The following TAF1B variants were observed in gnomAD, a reference collection of about 807,000 sequenced individuals.
The protein encoded by TAF1B is TATA-box binding protein associated factor, RNA polymerase I subunit B.
A neutral mutation model predicts 83.9 loss-of-function variants in TAF1B; 61 were observed. The ratio of observed to expected loss-of-function variants is 0.73; its 90% CI spans 0.59 to 0.90. TAF1B has a LOEUF of 0.90. Among genes scored for constraint, TAF1B ranks in the 40% least tolerant of loss-of-function variants. The pLI is 0.00. For synonymous variants in TAF1B, 221 were observed against 224.6 expected (o/e 0.98, Z 0.14); for missense variants, 625 against 677.0 (o/e 0.92, Z 0.85).
At chr2:9,906,084 G>C (rs913594611) in intron 9 of TAF1B, among the ~76,000 whole-genome samples, 1 of 151,912 alleles carries the variant, frequency 6.6e-6, no homozygotes, top group East Asian at 1.9e-4. Context: ...TCTCAAGTGT[G>C]GAAAGTTCCT....
intron 6 of TAF1B, among the ~76,000 whole-genome samples, chr2:9,870,639 T>C (rs12611894): frequency 0.41 from 61,798 of 152,060 alleles, 13,367 homozygotes; most frequent in East Asian, 0.58. Flanking sequence ...TATTCAATTC[T>C]GTTTTAGCTC....
intron 12 of TAF1B, among the ~76,000 whole-genome samples, chr2:9,915,471 A>G (rs1000085603): frequency 4.6e-5 from 7 of 152,290 alleles, no homozygotes; most frequent in Admixed American, 3.9e-4. Flanking sequence ...ATTTTTTTAA[A>G]TGGGCAAAAT....
At chr2:9,917,952 G>T (rs1039778848) in intron 12 of TAF1B, among the ~76,000 whole-genome samples, 5 of 151,134 alleles carry the variant, frequency 3.3e-5, no homozygotes, top group Non-Finnish European at 5.9e-5. Flanking sequence ...GGCGCCTGTA[G>T]TCCCAGCTAC....
chr2:9,844,174 A>G (rs1443253855), intron 1 of TAF1B, among the ~76,000 whole-genome samples: 1 of 152,112 alleles, frequency 6.6e-6, no homozygotes, highest in East Asian at 1.9e-4. Context: ...TTTTTGAGAC[A>G]AGATCTCACT....
At chr2:9,924,561 G>A (rs759099903) in intron 14 of TAF1B, among the ~76,000 whole-genome samples, 31 of 152,186 alleles carry the variant, frequency 2.0e-4, no homozygotes, top group Admixed American at 1.1e-3. Flanking sequence ...GTCCTAAGAC[G>A]CTGTGTGCCT....
At chr2:9,888,242 A>C (rs1001968592) in intron 8 of TAF1B, among the ~76,000 whole-genome samples, 1 of 152,168 alleles carries the variant, frequency 6.6e-6, no homozygotes, top group African/African-American at 2.4e-5. Flanking sequence ...CCCTTACAAC[A>C]GAGTATTTCC....
chr2:9,867,228 G>A (rs1445787550), intron 5 of TAF1B, among the ~76,000 whole-genome samples: 3 of 152,214 alleles, frequency 2.0e-5, no homozygotes, highest in Admixed American at 1.3e-4. Context: ...GTACAGAGAG[G>A]TGGGATCAAG....
intron 2 of TAF1B, among the ~76,000 whole-genome samples, chr2:9,847,262 A>G (rs1223220719): frequency 6.6e-6 from 1 of 152,190 alleles, no homozygotes; most frequent in Non-Finnish European, 1.5e-5. Flanking sequence ...CCAAGAACCT[A>G]GCTCAGTGCC....
chr2:9,861,220 G>A (rs1454095260), intron 5 of TAF1B, among the ~76,000 whole-genome samples: 1 of 152,218 alleles, frequency 6.6e-6, no homozygotes, highest in Non-Finnish European at 1.5e-5. Context: ...GTGACAGACG[G>A]CACCTGGAAA....
intron 8 of TAF1B, among the ~76,000 whole-genome samples, chr2:9,900,269 C>T (rs1381398130): frequency 1.3e-5 from 2 of 152,214 alleles, no homozygotes; most frequent in African/African-American, 4.8e-5. Flanking sequence ...TGCAGTGGCT[C>T]ATGCCTGCAA....
chr2:9,848,169 G>A (rs1177945541), intron 2 of TAF1B, among the ~76,000 whole-genome samples: 2 of 152,078 alleles, frequency 1.3e-5, no homozygotes, highest in East Asian at 1.9e-4. Flanking sequence ...TATGTTTTCA[G>A]TGTGGCCAAC....
intron 7 of TAF1B, among the ~76,000 whole-genome samples, chr2:9,877,133 C>T (rs1664343545): frequency 6.6e-6 from 1 of 152,172 alleles, no homozygotes. Flanking sequence ...TGTATGCCCC[C>T]ATTGGGTGAT....
At position 9,889,802 on chromosome 2, in the gene TAF1B, A is replaced by G. The variant is rs186696121; in HGVS notation, c.807+6997A>G. On this transcript the variant is annotated intron_variant, in intron 8 of 14. Coordinates refer to ENST00000263663, the MANE Select transcript of TAF1B (RefSeq NM_005680.3). ...TAATAGTCCCTTTTTTTCTGGGACTATTTTAGCCTCACTACTAAGGCGTAT... is the reference window on the plus strand; with the variant it reads ...TAATAGTCCCTTTTTTTCTGGGACTGTTTTAGCCTCACTACTAAGGCGTAT... Among the ~76,000 whole-genome samples, 5 of 151,986 alleles carry G rather than the reference A, an allele frequency of 3.3e-5. No homozygotes were observed. In the East Asian group the frequency reaches 9.9e-4, roughly 30 times the overall value.
At chr2:9,931,936 C>G (rs1666226405) in intron 14 of TAF1B, among the ~76,000 whole-genome samples, 1 of 152,118 alleles carries the variant, frequency 6.6e-6, no homozygotes, top group Non-Finnish European at 1.5e-5. Context: ...CACTGATACC[C>G]TTTCTTCCAC....
chr2:9,888,873 G>A (rs1383452939), intron 8 of TAF1B, among the ~76,000 whole-genome samples: 2 of 142,128 alleles, frequency 1.4e-5, no homozygotes, highest in Admixed American at 7.3e-5. Context: ...GCATGATCCC[G>A]GCTCACTGCA....
intron 12 of TAF1B, among the ~76,000 whole-genome samples, chr2:9,916,837 CTTTTTT>C (rs371475463): frequency 8.4e-5 from 8 of 95,720 alleles, no homozygotes; most frequent in African/African-American, 1.3e-4. Context: ...CCTTTCTGTT[CTTTTTT>C]TTTTTTTTTT....
chr2:9,885,078 G>A (rs943621924), intron 8 of TAF1B, among the ~76,000 whole-genome samples: 1 of 152,126 alleles, frequency 6.6e-6, no homozygotes, highest in Admixed American at 6.5e-5. Context: ...GTATATCTTC[G>A]TAGAACCTAT....
intron 1 of TAF1B, among the ~76,000 whole-genome samples, chr2:9,843,962 G>T (rs1663113049): frequency 6.6e-6 from 1 of 151,984 alleles, no homozygotes; most frequent in Non-Finnish European, 1.5e-5. Context: ...GGTAACCCCT[G>T]TCGGTCTCTC....
intron 2 of TAF1B, 111 bp downstream of exon 2, chr2:9,845,429 A>G: frequency 1.3e-6 from 1 of 769,892 alleles, no homozygotes; most frequent in South Asian, 1.6e-5. Context: ...CACTCATGCA[A>G]TGCCAACATT....
Sources: gnomAD v4.1 joint callset for allele counts (sites outside exome capture counted in the v4.1 genomes callset) on GRCh38, gnomAD v4.1.1 for gene constraint, MANE v1.5 for transcripts, NCBI Gene and HGNC (gene_info 2026-07-23, HGNC 2026-07-21) for gene names.